Variants in SLC35G2 observed in about 807,000 individuals in gnomAD.
SLC35G2 encodes the protein solute carrier family 35 member G2.
In SLC35G2, 20 loss-of-function variants were observed where a neutral mutation model predicts 27.2. The ratio of observed to expected loss-of-function variants is 0.74; its 90% CI spans 0.52 to 1.07. The LOEUF is 1.07. Ranked by LOEUF, SLC35G2 falls within the 50% of genes least tolerant of loss-of-function variation. SLC35G2 has a pLI of 0.00. For synonymous variants in SLC35G2, 148 were observed against 165.3 expected (o/e 0.90, Z 0.80); for missense variants, 416 against 493.3 (o/e 0.84, Z 1.48).
At chr3:136,820,217 C>CTGGGGG (rs1281285223) in intron 1 of SLC35G2, 1 of 151,872 alleles carries the variant, frequency 6.6e-6, no homozygotes, top group Non-Finnish European at 1.5e-5. Flanking sequence ...GTCCAGAGGG[C>CTGGGGG]TGGGGGTAGG....
intron 1 of SLC35G2, among the ~76,000 whole-genome samples, chr3:136,825,343 C>T (rs1307068979): frequency 1.3e-5 from 2 of 150,980 alleles, no homozygotes; most frequent in South Asian, 2.1e-4. Context: ...CAGGTTCAAG[C>T]AATTCTCATG....
chr3:136,838,703 A>C (rs1483520137), intron 1 of SLC35G2: 1 of 152,212 alleles, frequency 6.6e-6, no homozygotes, highest in Admixed American at 6.5e-5. Flanking sequence ...AATAGGACAA[A>C]TGTGAGCATG....
At chr3:136,826,970 T>A in intron 1 of SLC35G2, among the ~76,000 whole-genome samples, 1 of 89,038 alleles carries the variant, frequency 1.1e-5, no homozygotes, top group East Asian at 4.5e-4. Context: ...TCTCTCTTTT[T>A]TCTTTTTTTT....
intron 1 of SLC35G2, among the ~76,000 whole-genome samples, chr3:136,827,360 T>C (rs1408319994): frequency 1.3e-5 from 2 of 151,872 alleles, no homozygotes; most frequent in Admixed American, 6.6e-5. Flanking sequence ...ACTACAGGTG[T>C]GCACCACCAC....
chr3:136,850,845 A>C (rs1411501552), intron 1 of SLC35G2, among the ~76,000 whole-genome samples: 1 of 152,048 alleles, frequency 6.6e-6, no homozygotes, highest in Non-Finnish European at 1.5e-5. Context: ...AGTGTAAAAA[A>C]CAGCCAGGAG....
chr3:136,819,140 C>T lies in SLC35G2; in HGVS notation c.-507C>T, dbSNP rs1023434971. 6.6e-6 allele frequency: 1 copy of T among 152,212 alleles called. No homozygotes were observed. Among genetic ancestry groups the T allele is most frequent in the African/African-American group, 2.4e-5 (1 of 41,468 alleles). The allele number at this position is 152,212 out of a possible 1,614,324, so 9.4% of individuals were successfully genotyped here. A position where few individuals can be genotyped will look rare whatever the true frequency, so the allele number is the denominator to read the frequency against. ...CCCTCCGCAGTACTCCGGGCAGCGC[C>T]CGCCTCGATTTTCCCAGGCGAGGGC... On this transcript the variant is annotated 5_prime_UTR_variant, in exon 1 of 2. Coordinates refer to ENST00000446465, the MANE Select transcript of SLC35G2 (RefSeq NM_025246.3).
chr3:136,841,854 T>C (rs1937114211), intron 1 of SLC35G2: 1 of 152,148 alleles, frequency 6.6e-6, no homozygotes, highest in South Asian at 2.1e-4. Flanking sequence ...GACAGCCATG[T>C]CCACAAATCG....
intron 1 of SLC35G2, among the ~76,000 whole-genome samples, chr3:136,848,508 A>G (rs900658555): frequency 6.6e-6 from 1 of 152,094 alleles, no homozygotes; most frequent in Non-Finnish European, 1.5e-5. Context: ...AGCCCCAGCT[A>G]CTTAGGAGGC....
chr3:136,821,439 C>T (rs538760947), intron 1 of SLC35G2, among the ~76,000 whole-genome samples: 7 of 152,020 alleles, frequency 4.6e-5, no homozygotes, highest in Admixed American at 3.9e-4. Flanking sequence ...GAGATCTATC[C>T]TCTGAACAAA....
rs977204685 is a variant in SLC35G2 at position 136,855,613 on chromosome 3, G to A, written c.1153G>A (p.Val385Ile). The A allele has an allele frequency of 6.8e-6, 11 of 1,613,866 alleles. No homozygotes were observed. Among genetic ancestry groups the A allele is most frequent in the Non-Finnish European group, 9.3e-6 (11 of 1,179,922 alleles). ...VFGGVIIMISVFVLAGYKLYW... is the reference protein window; with the variant it reads ...VFGGVIIMISIFVLAGYKLYW... The stretch of plus-strand genomic sequence containing the variant: ...TGGAGGGGTAATCATTATGATTAGT[G>A]TTTTTGTCCTTGCTGGCTATAAACT... The change falls in exon 2 of 2, where the codon GTT becomes ATT. Residue 385 changes from valine (V) to isoleucine (I), a missense_variant. By Grantham distance (29) the Val-to-Ile change is conservative. Coordinates refer to ENST00000446465, the MANE Select transcript of SLC35G2 (RefSeq NM_025246.3).
intron 1 of SLC35G2, among the ~76,000 whole-genome samples, chr3:136,841,158 G>A (rs959995266): frequency 1.3e-5 from 2 of 151,928 alleles, no homozygotes; most frequent in African/African-American, 4.8e-5. Flanking sequence ...GCAAGAGGAT[G>A]TATTTGCAAG....
chr3:136,844,425 G>A (rs1937261120), intron 1 of SLC35G2, among the ~76,000 whole-genome samples: 1 of 151,106 alleles, frequency 6.6e-6, no homozygotes, highest in African/African-American at 2.4e-5. Context: ...GGAGGCAGAG[G>A]TTGCAGTGAG....
Position 136,854,620 on chromosome 3 carries a change from A to C in SLC35G2, c.160A>C (p.Lys54Gln). 1 of 1,613,092 alleles carries C rather than the reference A, an allele frequency of 6.2e-7. No individual in the cohort carries two copies. Among genetic ancestry groups the C allele is most frequent in the Non-Finnish European group, 8.5e-7 (1 of 1,179,804 alleles). Residue 54 changes from lysine (K) to glutamine (Q), a missense_variant, in exon 2 of 2, where the codon AAG (lysine) becomes CAG (glutamine). Coordinates refer to ENST00000446465, the MANE Select transcript of SLC35G2 (RefSeq NM_025246.3). ...GYGNFMEENP[K>Q]KGLLSEMKKK... ...TGGAAATTTTATGGAGGAAAATCCA[A>C]AGAAAGGTCTGCTGAGTGAAATGAA...
At chr3:136,823,639 T>G (rs2107994529) in intron 1 of SLC35G2, among the ~76,000 whole-genome samples, 1 of 152,136 alleles carries the variant, frequency 6.6e-6, no homozygotes, top group South Asian at 2.1e-4. Context: ...CAGGCTGGAG[T>G]GCAGTGAGTG....
At chr3:136,848,245 T>C (rs1937482486) in intron 1 of SLC35G2, among the ~76,000 whole-genome samples, 1 of 152,218 alleles carries the variant, frequency 6.6e-6, no homozygotes, top group Admixed American at 6.5e-5. Flanking sequence ...AAAAGGGACT[T>C]TTATCACATC....
intron 1 of SLC35G2, chr3:136,837,811 T>A (rs552106035): frequency 6.6e-6 from 1 of 151,986 alleles, no homozygotes; most frequent in South Asian, 2.1e-4. Flanking sequence ...TATTTTAAAT[T>A]TTGACACCAC....
intron 1 of SLC35G2, among the ~76,000 whole-genome samples, chr3:136,829,081 G>A (rs1347083969): frequency 1.3e-5 from 2 of 152,088 alleles, no homozygotes; most frequent in East Asian, 1.9e-4. Flanking sequence ...CTATTGTACT[G>A]TCTACGTCTT....
rs1320464135 is a variant in SLC35G2 at position 136,845,883 on chromosome 3, C to T, written c.-18-8560C>T. Among the ~76,000 whole-genome samples, 4 of 150,342 alleles carry T rather than the reference C, an allele frequency of 2.7e-5. No individual in the cohort carries two copies. The East Asian group carries it at 5.8e-4, about 22-fold the overall frequency. On this transcript the variant is annotated intron_variant, in intron 1 of 1. Transcript: ENST00000446465. ...TGCTGGGATGACGGGCGTGAGCCAC[C>T]GCACCCGGCCGTAAAAAAAAAAAAA...
chr3:136,820,064 G>C (rs1343883725), intron 1 of SLC35G2: 4 of 152,302 alleles, frequency 2.6e-5, no homozygotes, highest in Admixed American at 2.0e-4. Flanking sequence ...TGTTGCGGCG[G>C]ATGAAGGCTC....
Sources: gnomAD v4.1 joint callset for allele counts (sites outside exome capture counted in the v4.1 genomes callset) on GRCh38, gnomAD v4.1.1 for gene constraint, MANE v1.5 for transcripts, NCBI Gene and HGNC (gene_info 2026-07-23, HGNC 2026-07-21) for gene names.